ZFHX3: variants seen among roughly 807,000 people sequenced by gnomAD.
ZFHX3 encodes zinc finger homeobox 3, also known as zinc finger homeobox protein 3.
In ZFHX3, 42 loss-of-function variants were observed where a neutral mutation model predicts 279.1. That is an observed-to-expected ratio of 0.15 (90% confidence interval 0.12 to 0.19). ZFHX3 has a LOEUF of 0.19. Ranked by LOEUF, ZFHX3 falls within the 10% of genes least tolerant of loss-of-function variation. ZFHX3 has a pLI of 1.00. For missense variants in ZFHX3, 4,981 were observed against 4,754.0 expected, an observed-to-expected ratio of 1.05 and a Z score of -1.40; for synonymous variants, 2,293 against 1,957.8, an observed-to-expected ratio of 1.17 and a Z score of -4.52.
chr16:73,089,774 G>T (rs765947857), intron 8 of ZFHX3, among the ~76,000 whole-genome samples: 1 of 152,210 alleles, frequency 6.6e-6, no homozygotes, highest in African/African-American at 2.4e-5. Context: ...TGATCGTCAA[G>T]CCTTTTGTTA....
intron 2 of ZFHX3, among the ~76,000 whole-genome samples, chr16:72,953,171 T>C (rs1281824596): frequency 6.6e-6 from 1 of 152,212 alleles, no homozygotes; most frequent in Non-Finnish European, 1.5e-5. Flanking sequence ...CAGAAATCTT[T>C]TGCACATGCA....
At chr16:73,077,792 C>A (rs1453377116) in intron 8 of ZFHX3, among the ~76,000 whole-genome samples, 1 of 151,512 alleles carries the variant, frequency 6.6e-6, no homozygotes, top group African/African-American at 2.4e-5. Flanking sequence ...ATCTCATGCA[C>A]GTCAAAGCCA....
At chr16:73,594,086 A>G (rs1316451199) in intron 2 of ZFHX3, among the ~76,000 whole-genome samples, 1 of 152,202 alleles carries the variant, frequency 6.6e-6, no homozygotes, top group Non-Finnish European at 1.5e-5. Flanking sequence ...GGCTGAAACA[A>G]AACTATTTAT....
intron 2 of ZFHX3, among the ~76,000 whole-genome samples, chr16:73,654,305 G>C (rs982650878): frequency 2.0e-5 from 3 of 151,644 alleles, no homozygotes; most frequent in African/African-American, 7.3e-5. Context: ...AATAACTATT[G>C]AGAAAAATTG....
At chr16:73,601,001 T>G (rs1331790542) in intron 2 of ZFHX3, among the ~76,000 whole-genome samples, 1 of 88,710 alleles carries the variant, frequency 1.1e-5, no homozygotes, top group South Asian at 4.4e-4. Flanking sequence ...AGTGATAGCC[T>G]TTTTTGTTTC....
intron 1 of ZFHX3, among the ~76,000 whole-genome samples, chr16:73,760,088 T>C (rs1226288877): frequency 6.7e-6 from 1 of 150,336 alleles, no homozygotes; most frequent in African/African-American, 2.4e-5. Context: ...ATCAAGTAGA[T>C]ACAATAAAAA....
intron 2 of ZFHX3, among the ~76,000 whole-genome samples, chr16:73,560,413 G>A (rs996589180): frequency 4.6e-5 from 7 of 152,142 alleles, no homozygotes; most frequent in African/African-American, 9.7e-5. Context: ...CACTGTCAGG[G>A]CTGACTTTTA....
intron 7 of ZFHX3, among the ~76,000 whole-genome samples, chr16:73,115,292 G>A (rs539817784): frequency 6.8e-6 from 1 of 146,810 alleles, no homozygotes; most frequent in Admixed American, 7.2e-5. Flanking sequence ...TGTAATCCCA[G>A]CACTTTGGGA....
rs145194100 is a variant in ZFHX3, at chr16:73,077,135, A to C, written c.-533+16100T>G. The stretch of plus-strand genomic sequence containing the variant: ...GTTGCCCTCTAGACGTCTAATGCCA[A>C]TCCCCAAATTTTCTGAATTTATTGA... On this transcript the variant is annotated intron_variant, in intron 8 of 17. Transcript: ENST00000641206. Among the ~76,000 whole-genome samples the C allele has an allele frequency of 3.3e-5, 5 of 152,286 alleles. No individual in the cohort carries two copies. In the East Asian group the frequency reaches 9.7e-4, roughly 29 times the overall value.
At chr16:73,143,908 A>G (rs187394057) in intron 5 of ZFHX3, 125 of 506,492 alleles carry the variant, frequency 2.5e-4, no homozygotes, top group African/African-American at 2.1e-3. Context: ...TGGCTAATGA[A>G]TGATTCTCCC....
At chr16:73,536,279 A>C (rs2019900334) in intron 2 of ZFHX3, among the ~76,000 whole-genome samples, 1 of 152,262 alleles carries the variant, frequency 6.6e-6, no homozygotes, top group African/African-American at 2.4e-5. Context: ...AGTTTATATC[A>C]GAAAAAATAT....
At chr16:73,260,981 G>A (rs893024926) in intron 4 of ZFHX3, among the ~76,000 whole-genome samples, 4 of 152,192 alleles carry the variant, frequency 2.6e-5, no homozygotes, top group Non-Finnish European at 4.4e-5. Context: ...ACTGCGCCCA[G>A]CCTATGCACC....
At chr16:73,615,294 A>T (rs1036179648) in intron 2 of ZFHX3, among the ~76,000 whole-genome samples, 8 of 152,090 alleles carry the variant, frequency 5.3e-5, no homozygotes, top group African/African-American at 1.7e-4. Flanking sequence ...ATAGCCAGAG[A>T]TGACGGATGT....
chr16:73,237,746 G>T (rs1373512136), intron 5 of ZFHX3, among the ~76,000 whole-genome samples: 1 of 151,976 alleles, frequency 6.6e-6, no homozygotes, highest in East Asian at 1.9e-4. Context: ...CATAGCCTAT[G>T]TTATTTGTAG....
At chr16:72,826,692 CT>C (rs892362590) in intron 5 of ZFHX3, among the ~76,000 whole-genome samples, 1 of 152,140 alleles carries the variant, frequency 6.6e-6, no homozygotes, top group Non-Finnish European at 1.5e-5. Flanking sequence ...AGAATTTTCC[CT>C]TCTCTCTTTA....
intron 1 of ZFHX3, among the ~76,000 whole-genome samples, chr16:72,977,644 C>T (rs562142205): frequency 6.6e-5 from 10 of 151,828 alleles, no homozygotes; most frequent in East Asian, 1.9e-4. Flanking sequence ...GGGATCTCTA[C>T]GATTCACTTG....
At position 72,797,725 on chromosome 16, in the gene ZFHX3, T is replaced by G. The variant is rs1395180549; in HGVS notation, c.4957A>C (p.Ser1653Arg). The change falls in exon 9 of 10, where the codon AGT becomes CGT. Residue 1653 changes from serine (S) to arginine (R), a missense_variant. Physicochemically the swap from Ser to Arg is moderately radical, Grantham distance 110. This residue lies in a region of ZFHX3 where 1,751 missense variants were observed against 1,770.0 expected (regional missense o/e 0.99). Transcript: ENST00000268489. ...TTACTGCCACTGGTGCTCACAGGAC[T>G]TGGCGTGGAGGAGCTCAAGGAAATA... The part of the protein sequence containing the change: ...SSISLSSSTP[S>R]PVSTSGSNTF... 1.9e-6 allele frequency: 3 copies of G among 1,614,148 alleles called. No individual in the cohort carries two copies. Among genetic ancestry groups the G allele is most frequent in the Non-Finnish European group, 2.5e-6 (3 of 1,180,008 alleles).
At chr16:73,248,859 G>A (rs577291264) in intron 5 of ZFHX3, among the ~76,000 whole-genome samples, 10 of 152,090 alleles carry the variant, frequency 6.6e-5, no homozygotes, top group African/African-American at 2.4e-4. Context: ...TGAGCAGGAT[G>A]GTATTTTAAA....
intron 1 of ZFHX3, among the ~76,000 whole-genome samples, chr16:73,706,600 C>G (rs553825538): frequency 1.4e-4 from 22 of 152,198 alleles, no homozygotes; most frequent in Non-Finnish European, 3.1e-4. Flanking sequence ...AGCCCAATCT[C>G]TCATCACAGC....
Sources: allele counts gnomAD v4.1 joint callset (sites outside exome capture counted in the v4.1 genomes callset), GRCh38; gene constraint gnomAD v4.1.1; regional missense constraint gnomAD v4.1.1; transcripts MANE v1.5; gene names NCBI Gene and HGNC (gene_info 2026-07-23, HGNC 2026-07-21).